GTPBP1: variants seen among roughly 807,000 people sequenced by gnomAD.
The protein encoded by GTPBP1 is GTP-binding protein 1.
In GTPBP1, 23 loss-of-function variants were observed where a neutral mutation model predicts 62.0. That is an observed-to-expected ratio of 0.37 (90% CI 0.27 to 0.53). GTPBP1 has a LOEUF of 0.53. Among genes scored for constraint, GTPBP1 ranks in the 20% least tolerant of loss-of-function variants. The pLI, the probability that GTPBP1 is intolerant of heterozygous loss-of-function variation, is 0.89. For synonymous variants in GTPBP1, 344 were observed against 364.4 expected (o/e 0.94, Z 0.64); for missense variants, 640 against 917.3 (o/e 0.70, Z 3.90).
intron 2 of GTPBP1, among the ~76,000 whole-genome samples, chr22:38,712,395 G>T (rs533758676): frequency 2.2e-4 from 33 of 152,282 alleles, no homozygotes; most frequent in Non-Finnish European, 4.3e-4. Flanking sequence ...GAGGTCCTGA[G>T]TGGTAGGAGG....
At chr22:38,721,701 T>A in intron 4 of GTPBP1, 41 bp from the exon 5 acceptor site, 2 of 1,581,658 alleles carry the variant, frequency 1.3e-6, no homozygotes, top group East Asian at 4.5e-5. Context: ...CAGCAATCTC[T>A]TTCTCTCTCG....
At chr22:38,715,668 C>T (rs186832797) in intron 2 of GTPBP1, among the ~76,000 whole-genome samples, 38 of 152,276 alleles carry the variant, frequency 2.5e-4, no homozygotes, top group African/African-American at 8.9e-4. Flanking sequence ...GGGAGAGCCT[C>T]GGTGGCTGTT....
At chr22:38,740,599 A>C, downstream of GTPBP1, 4 of 689,112 alleles carry the variant, frequency 5.8e-6, no homozygotes, top group Non-Finnish European at 9.2e-6. The surrounding 1 kb of genome is among the most constrained non-coding windows in gnomAD (Gnocchi z 4.8). Context: ...TTCTGGCTGC[A>C]GAACCCCTGC....
intron 1 of GTPBP1, 37 bp from the exon 2 acceptor site, chr22:38,708,808 G>A (rs778768235): frequency 2.6e-6 from 3 of 1,138,180 alleles, no homozygotes; most frequent in Admixed American, 1.7e-5. Flanking sequence ...TGCTCTTCTA[G>A]CAAGTGTGGT....
chr22:38,740,233 A>C (rs756507346), downstream of GTPBP1: 1 of 1,510,808 alleles, frequency 6.6e-7, no homozygotes, highest in Non-Finnish European at 8.9e-7. This position sits in a 1 kb window ranked among gnomAD's most constrained non-coding sequence, Gnocchi z 4.8. Context: ...GGAGGAGGAG[A>C]GGGACCAGCA....
At position 38,731,051 on chromosome 22, in the gene GTPBP1, G is replaced by GTGTGTGTGT; in HGVS notation, c.*349_*350insTGTGTGTTG. 1 of 99,926 alleles carries GTGTGTGTGT rather than the reference G, an allele frequency of 1.0e-5. No individual in the cohort carries two copies. The highest frequency in any genetic ancestry group is 1.9e-4 in the South Asian group (1 of 5,268). 6.2% of individuals were successfully genotyped at this position (99,926 alleles called of 1,614,324 possible). A position where few individuals can be genotyped will look rare whatever the true frequency, so the allele number is the denominator to read the frequency against. On this transcript the variant is annotated 3_prime_UTR_variant, in exon 12 of 12. Transcript: ENST00000216044. The stretch of plus-strand genomic sequence containing the variant: ...GTGTGTGTGTGTGTGTGTGTGTGTG[G>GTGTGTGTGT]TGCAGGAGTGCCACCCCCAGGGCCC...
chr22:38,714,552 C>T (rs1490955900), intron 2 of GTPBP1, among the ~76,000 whole-genome samples: 1 of 151,592 alleles, frequency 6.6e-6, no homozygotes, highest in Admixed American at 6.6e-5. Flanking sequence ...GGCAGATTCC[C>T]ATTGAGTAGA....
chr22:38,722,808 A>G (rs368787118), intron 5 of GTPBP1: 11 of 1,596,204 alleles, frequency 6.9e-6, no homozygotes, highest in South Asian at 6.6e-5. Flanking sequence ...AGGAGAATCC[A>G]GTGTCCAGTT....
intron 10 of GTPBP1, 89 bp downstream of exon 10, chr22:38,728,250 C>T: frequency 1.1e-6 from 1 of 921,684 alleles, no homozygotes; most frequent in East Asian, 2.6e-5. Context: ...GAGGTTTAGT[C>T]ACTGCCATGG....
At position 38,732,604 on chromosome 22, in the gene GTPBP1, G is replaced by C. The variant is rs944352197; in HGVS notation, c.*1900G>C. Reference sequence around the variant, plus strand: ...CCTGCCACCTCTGTGCCCTGGGCAGGCTCCAAAGGAAAGCTCTGGCTGGGA... The same window carrying C: ...CCTGCCACCTCTGTGCCCTGGGCAGCCTCCAAAGGAAAGCTCTGGCTGGGA... On this transcript the variant is annotated 3_prime_UTR_variant, in exon 12 of 12. Coordinates refer to ENST00000216044, the MANE Select transcript of GTPBP1 (RefSeq NM_004286.5). The C allele has an allele frequency of 2.6e-5, 4 of 152,436 alleles. No individual in the cohort carries two copies. Among genetic ancestry groups the C allele is most frequent in the Admixed American group, 1.3e-4 (2 of 15,308 alleles). The allele number at this position is 152,436 out of a possible 1,614,324, so 9.4% of individuals were successfully genotyped here. A position where few individuals can be genotyped will look rare whatever the true frequency, so the allele number is the denominator to read the frequency against.
Position 38,730,926 on chromosome 22 carries a change from C to G in GTPBP1, c.*222C>G, listed in dbSNP as rs768357232. ...ACTGACCATCTCTCACTGTCCTCCC[C>G]ACCTTCTTCCTCACTCACACATTTT... On this transcript the variant is annotated 3_prime_UTR_variant, in exon 12 of 12. Transcript: ENST00000216044. This position sits in a 1 kb window ranked among gnomAD's most constrained non-coding sequence, Gnocchi z 5.6. The G allele has an allele frequency of 7.4e-6, 4 of 538,834 alleles. No individual in the cohort carries two copies. Among genetic ancestry groups the G allele is most frequent in the Non-Finnish European group, 1.3e-5 (4 of 305,944 alleles). 33.4% of individuals were successfully genotyped at this position (538,834 alleles called of 1,614,324 possible). A position where few individuals can be genotyped will look rare whatever the true frequency, so the allele number is the denominator to read the frequency against.
At chr22:38,737,708 G>GC (rs2092818390), downstream of GTPBP1, 1 of 359,856 alleles carries the variant, frequency 2.8e-6, no homozygotes, top group Non-Finnish European at 5.5e-6. The surrounding 1 kb of genome is among the most constrained non-coding windows in gnomAD (Gnocchi z 4.1). Flanking sequence ...GGTCCTGTCA[G>GC]CCCTAAGGAA....
intron 1 of GTPBP1, among the ~76,000 whole-genome samples, chr22:38,707,960 C>T (rs2092615625): frequency 6.6e-6 from 1 of 152,158 alleles, no homozygotes; most frequent in Admixed American, 6.5e-5. Flanking sequence ...GGGAGAAACA[C>T]TTAGTGAATA....
At position 38,706,054 on chromosome 22, in the gene GTPBP1, G is replaced by GGCC; in HGVS notation, c.106_108dup (p.Ala36dup). The GGCC allele has an allele frequency of 7.3e-7, 1 of 1,370,498 alleles. No homozygotes were observed. Among genetic ancestry groups the GGCC allele is most frequent in the South Asian group, 1.6e-5 (1 of 63,500 alleles). The allele number at this position is 1,370,498 out of a possible 1,614,324, so 84.9% of individuals were successfully genotyped here. A position where few individuals can be genotyped will look rare whatever the true frequency, so the allele number is the denominator to read the frequency against. On this transcript the variant is annotated inframe_insertion, in exon 1 of 12. Coordinates refer to ENST00000216044, the MANE Select transcript of GTPBP1 (RefSeq NM_004286.5). ...CCCCGGGGGCGGCCAGGGCCGCGGC[G>GGCC]GCCGCCGCCCGACTCCACGGCGGCT...
Position 38,705,999 on chromosome 22 carries a change from C to G in GTPBP1, c.44C>G (p.Pro15Arg). 1 of 1,459,500 alleles carries G rather than the reference C, an allele frequency of 6.9e-7. No individual in the cohort carries two copies. Among genetic ancestry groups the G allele is most frequent in the South Asian group, 1.3e-5 (1 of 78,132 alleles). The allele number at this position is 1,459,500 out of a possible 1,614,324, so 90.4% of individuals were successfully genotyped here. A position where few individuals can be genotyped will look rare whatever the true frequency, so the allele number is the denominator to read the frequency against. Residue 15 changes from proline (P) to arginine (R), a missense_variant, in exon 1 of 12, where the codon CCG becomes CGG. Around this residue, in one of 4 missense-constraint regions of GTPBP1, gnomAD observed 215 missense variants for 235.1 expected, o/e 0.91. Coordinates refer to ENST00000216044, the MANE Select transcript of GTPBP1 (RefSeq NM_004286.5). ...RSRSAMDSPV[P>R]ASMFAPEPSS... ...CGCTCCGCGATGGACTCGCCGGTCC[C>G]GGCCTCTATGTTCGCCCCCGAGCCC...
At chr22:38,741,390 C>T (rs1262352053), downstream of GTPBP1, 2 of 1,212,790 alleles carry the variant, frequency 1.6e-6, no homozygotes, top group Non-Finnish European at 2.4e-6. Context: ...CCTCCCCATG[C>T]AACACCCAAA....
Position 38,716,994 on chromosome 22 carries a change from G to T in GTPBP1, c.828G>T (p.Met276Ile). Residue 276 changes from methionine (M) to isoleucine (I), a missense_variant, in exon 4 of 12, where the codon ATG (methionine) becomes ATT (isoleucine). Around this residue, in one of 4 missense-constraint regions of GTPBP1, gnomAD observed 88 missense variants for 217.0 expected, o/e 0.41. Coordinates refer to ENST00000216044, the MANE Select transcript of GTPBP1 (RefSeq NM_004286.5). The surrounding 1 kb of genome is among the most constrained non-coding windows in gnomAD (Gnocchi z 5.2). ...CAGGCCATCTGCCTGACTTCTGCAT[G>T]CTCATGGTGAGTGGGAGGCGCCCCA... Reference protein sequence around the residue: ...GMTGHLPDFCMLMVGSNAGIV... With the variant: ...GMTGHLPDFCILMVGSNAGIV... The T allele has an allele frequency of 1.9e-6, 3 of 1,603,288 alleles. No individual in the cohort carries two copies. Among genetic ancestry groups the T allele is most frequent in the Non-Finnish European group, 2.6e-6 (3 of 1,171,048 alleles).
At chr22:38,719,042 T>G (rs1715551194) in intron 4 of GTPBP1, among the ~76,000 whole-genome samples, 1 of 152,160 alleles carries the variant, frequency 6.6e-6, no homozygotes, top group South Asian at 2.1e-4. Context: ...GTCTTGCTCT[T>G]TCGCCCAGAC....
In GTPBP1 at chr22:38,730,655, A is replaced by G; in HGVS notation, c.1961A>G (p.His654Arg). The change falls in exon 12 of 12, where the codon CAC becomes CGC. Residue 654 changes from histidine to arginine, a missense_variant. By Grantham distance (29) the His-to-Arg change is conservative (BLOSUM62 0). Around this residue, in one of 4 missense-constraint regions of GTPBP1, gnomAD observed 117 missense variants for 107.1 expected, o/e 1.09. Transcript: ENST00000216044. The surrounding 1 kb of genome is among the most constrained non-coding windows in gnomAD (Gnocchi z 5.6). The part of the protein sequence containing the change: ...SGGRRRGGQR[H>R]KVKSQGACVT... Reference sequence around the variant, plus strand: ...GGCCGGCGACGAGGGGGCCAGCGCCACAAGGTGAAGTCCCAGGGGGCCTGT... The same window carrying G: ...GGCCGGCGACGAGGGGGCCAGCGCCGCAAGGTGAAGTCCCAGGGGGCCTGT... The G allele has an allele frequency of 6.2e-7, 1 of 1,606,362 alleles. No individual in the cohort carries two copies. The highest frequency in any genetic ancestry group is 8.5e-7 in the Non-Finnish European group (1 of 1,179,342).
Sources: allele counts gnomAD v4.1 joint callset (sites outside exome capture counted in the v4.1 genomes callset), GRCh38; gene constraint gnomAD v4.1.1; regional missense constraint gnomAD v4.1.1; non-coding constraint Gnocchi (gnomAD v3.1); transcripts MANE v1.5; gene names NCBI Gene and HGNC (gene_info 2026-07-23, HGNC 2026-07-21).